The following LIPF variants were observed in gnomAD, a reference collection of about 807,000 sequenced individuals.
LIPF encodes the protein lipase F, gastric type.
In LIPF, 25 loss-of-function variants were observed where a neutral mutation model predicts 38.0. That is an observed-to-expected ratio of 0.66 (90% CI 0.48 to 0.92). LIPF has a LOEUF of 0.92. LIPF is among the 40% of genes least tolerant of loss of function. The probability of loss-of-function intolerance (pLI) is 0.00; values close to 1 mark genes in which losing one functional copy is unlikely to be tolerated. For synonymous variants in LIPF, 161 were observed against 156.2 expected (o/e 1.03, Z -0.23); for missense variants, 410 against 469.9 (o/e 0.87, Z 1.18).
rs1841685623 is a variant in LIPF, at chr10:88,676,285, G to T, written c.960+5G>T. The T allele has an allele frequency of 2.6e-6, 4 of 1,561,440 alleles. No homozygotes were observed. Among genetic ancestry groups the T allele is most frequent in the Non-Finnish European group, 3.5e-6 (4 of 1,142,590 alleles). Reference sequence around the variant, plus strand: ...AATAGGATGCACTATGATCAGGTAAGCTTCTTAAAGATGGAATTATTCACA... The same window carrying T: ...AATAGGATGCACTATGATCAGGTAATCTTCTTAAAGATGGAATTATTCACA... On this transcript the variant is annotated splice_donor_5th_base_variant and intron_variant, in intron 9 of 9. Coordinates refer to ENST00000238983, the MANE Select transcript of LIPF (RefSeq NM_004190.4).
intron 6 of LIPF, among the ~76,000 whole-genome samples, chr10:88,672,394 G>A (rs957412488): frequency 2.6e-5 from 4 of 152,080 alleles, no homozygotes; most frequent in African/African-American, 7.2e-5. Context: ...GAGAAAAGGA[G>A]GAAATAAATC....
At chr10:88,672,222 G>T (rs1841610691) in intron 6 of LIPF, among the ~76,000 whole-genome samples, 1 of 152,082 alleles carries the variant, frequency 6.6e-6, no homozygotes, top group Non-Finnish European at 1.5e-5. Flanking sequence ...TTTCACAGAT[G>T]GTTTGTTTAT....
chr10:88,674,045 C>T (rs2134644608), intron 7 of LIPF, among the ~76,000 whole-genome samples: 1 of 152,348 alleles, frequency 6.6e-6, no homozygotes, highest in South Asian at 2.1e-4. Context: ...TATATTTTAG[C>T]AGGCTCCTTT....
Position 88,678,486 on chromosome 10 carries a change from A to C in LIPF, c.1002A>C (p.Pro334=). The change falls in exon 10 of 10, where the codon CCA becomes CCC. Residue 334 remains proline, a synonymous_variant. Transcript: ENST00000238983. The part of the protein sequence containing the change: ...PYYNVTAMNV[P]IAVWNGGKDL... Reference sequence around the variant, plus strand: ...ACAATGTGACAGCCATGAATGTACCAATTGCAGTGTGGAACGGTGGCAAGG... The same window carrying C: ...ACAATGTGACAGCCATGAATGTACCCATTGCAGTGTGGAACGGTGGCAAGG... 6.2e-7 allele frequency: 1 copy of C among 1,614,042 alleles called. No homozygotes were observed. The highest frequency in any genetic ancestry group is 1.1e-5 in the South Asian group (1 of 91,070).
chr10:88,669,002 A>G (rs1841555734), intron 4 of LIPF: 2 of 421,774 alleles, frequency 4.7e-6, no homozygotes, highest in African/African-American at 3.9e-5. Flanking sequence ...AATGGAATGA[A>G]CAATATGGCT....
chr10:88,665,435 C>CA, intron 1 of LIPF: 1 of 809,352 alleles, frequency 1.2e-6, no homozygotes, highest in Non-Finnish European at 2.1e-6. Flanking sequence ...CAGTACAGCA[C>CA]ACAGTGAGTC....
At chr10:88,672,590 T>C (rs1194310636) in intron 6 of LIPF, among the ~76,000 whole-genome samples, 1 of 150,504 alleles carries the variant, frequency 6.6e-6, no homozygotes, top group Non-Finnish European at 1.5e-5. Flanking sequence ...TGTTTGACAA[T>C]GCTTAATACC....
intron 1 of LIPF, chr10:88,665,521 A>G: frequency 6.5e-7 from 1 of 1,534,436 alleles, no homozygotes; most frequent in Non-Finnish European, 8.7e-7. Flanking sequence ...CTGCCCTTGA[A>G]CATCTTTGAG....
At chr10:88,667,466 G>C in intron 2 of LIPF, 64 bp downstream of exon 2, 3 of 1,102,222 alleles carry the variant, frequency 2.7e-6, no homozygotes, top group Non-Finnish European at 4.1e-6. Context: ...ATCATAATGA[G>C]TTAAAGATTT....
At chr10:88,674,819 A>C (rs1396050693) in intron 7 of LIPF, among the ~76,000 whole-genome samples, 1 of 152,214 alleles carries the variant, frequency 6.6e-6, no homozygotes, top group Non-Finnish European at 1.5e-5. Context: ...AGAAAATTAC[A>C]TCTATTGATA....
intron 1 of LIPF, chr10:88,665,545 T>G: frequency 6.5e-7 from 1 of 1,535,466 alleles, no homozygotes; most frequent in Non-Finnish European, 8.7e-7. Context: ...ATTGAGATGT[T>G]CTCCAACGCA....
rs866632955 is a variant in LIPF at position 88,675,412 on chromosome 10, G to C, written c.817-174G>C. ...CTACAAATTAAATGGGTTAACACATGCAATTGCACTTTGCAAATTCTGAAG... is the reference window on the plus strand; with the variant it reads ...CTACAAATTAAATGGGTTAACACATCCAATTGCACTTTGCAAATTCTGAAG... On this transcript the variant is annotated intron_variant, in intron 7 of 9. Coordinates refer to ENST00000238983, the MANE Select transcript of LIPF (RefSeq NM_004190.4). 22 of 555,840 alleles carry C rather than the reference G, an allele frequency of 4.0e-5. No individual in the cohort carries two copies. The Middle Eastern group carries it at 1.4e-3, about 34-fold the overall frequency. The allele number at this position is 555,840 out of a possible 1,614,324, so 34.4% of individuals were successfully genotyped here.
chr10:88,678,417 C>T (rs748366979), intron 9 of LIPF, 28 bp from the exon 10 acceptor site: 2 of 1,531,684 alleles, frequency 1.3e-6, no homozygotes, highest in Non-Finnish European at 1.8e-6. Context: ...GTTACCTAAA[C>T]TCTGGTTCTT....
chr10:88,672,108 T>C, intron 6 of LIPF, 143 bp downstream of exon 6: 1 of 800,020 alleles, frequency 1.2e-6, no homozygotes, highest in South Asian at 2.1e-5. Flanking sequence ...GTATTATTTC[T>C]TCCATAGCAC....
At chr10:88,672,344 A>T (rs1273586740) in intron 6 of LIPF, among the ~76,000 whole-genome samples, 2 of 152,178 alleles carry the variant, frequency 1.3e-5, no homozygotes, top group Non-Finnish European at 2.9e-5. Context: ...CTTGGGCCAG[A>T]GAGACTGGAA....
At position 88,668,561 on chromosome 10, in the gene LIPF, A is replaced by G; in HGVS notation, c.227A>G (p.Gln76Arg). The change falls in exon 4 of 10, where the codon CAG becomes CGG. Residue 76 changes from glutamine to arginine, a missense_variant. Transcript: ENST00000238983. ...YGKKNSGNTG[Q>R]RPVVFLQHGL... ...TTATAAACATTTTCTTCCTTAGGCCAGAGACCTGTTGTGTTTTTGCAGCAT... is the reference window on the plus strand; with the variant it reads ...TTATAAACATTTTCTTCCTTAGGCCGGAGACCTGTTGTGTTTTTGCAGCAT... 6.2e-7 allele frequency: 1 copy of G among 1,614,080 alleles called. No homozygotes were observed. The highest frequency in any genetic ancestry group is 8.5e-7 in the Non-Finnish European group (1 of 1,179,904).
chr10:88,670,423 A>T (rs892763475), intron 5 of LIPF, among the ~76,000 whole-genome samples: 2 of 152,224 alleles, frequency 1.3e-5, no homozygotes, highest in Non-Finnish European at 2.9e-5. Flanking sequence ...ATGGAGAGAA[A>T]ATAACCCAGG....
rs17287121 is a variant in LIPF at position 88,674,470 on chromosome 10, C to T, written c.816+736C>T. The stretch of plus-strand genomic sequence containing the variant: ...GGCGTGAGCCACCACGCCCGGCTGA[C>T]TTTGCCCATATTCTTTATCTACCTT... On this transcript the variant is annotated intron_variant, in intron 7 of 9. Transcript: ENST00000238983. Among the ~76,000 whole-genome samples, 1,501 of 152,312 alleles carry T rather than the reference C, an allele frequency of 9.9e-3. 6 individuals are homozygous for T. Among genetic ancestry groups the T allele is most frequent in the South Asian group, 0.019 (94 of 4,824 alleles).
At chr10:88,664,891 T>G (rs1841488898) in intron 1 of LIPF, among the ~76,000 whole-genome samples, 1 of 152,266 alleles carries the variant, frequency 6.6e-6, no homozygotes, top group South Asian at 2.1e-4. Flanking sequence ...TAATATTTAA[T>G]ATCATCCAAA....
Sources: gnomAD v4.1 joint callset for allele counts (sites outside exome capture counted in the v4.1 genomes callset) on GRCh38, gnomAD v4.1.1 for gene constraint, MANE v1.5 for transcripts, NCBI Gene and HGNC (gene_info 2026-07-23, HGNC 2026-07-21) for gene names.